OPCML: variants seen among roughly 807,000 people sequenced by gnomAD.
The protein encoded by OPCML is opioid binding protein/cell adhesion molecule like, also known as opioid-binding protein/cell adhesion molecule.
A neutral mutation model predicts 37.8 loss-of-function variants in OPCML; 13 were observed. That is an observed-to-expected ratio of 0.34 (90% CI 0.22 to 0.55). The LOEUF (loss-of-function observed/expected upper bound fraction) is 0.55, where lower values mean the gene tolerates loss of function less well. Ranked by LOEUF, OPCML falls within the 20% of genes least tolerant of loss-of-function variation. The pLI is 0.91. For synonymous variants in OPCML, 176 were observed against 168.8 expected, an observed-to-expected ratio of 1.04 and a Z score of -0.33; for missense variants, 341 against 435.6, an observed-to-expected ratio of 0.78 and a Z score of 1.93.
chr11:133,063,482 T>A (rs1403775424), intron 1 of OPCML, among the ~76,000 whole-genome samples: 2 of 152,170 alleles, frequency 1.3e-5, no homozygotes, highest in Non-Finnish European at 2.9e-5. Context: ...TTTTATAGGA[T>A]GTGAATGATG....
At chr11:132,973,558 A>G (rs1946390405) in intron 1 of OPCML, among the ~76,000 whole-genome samples, 1 of 152,186 alleles carries the variant, frequency 6.6e-6, no homozygotes, top group African/African-American at 2.4e-5. Flanking sequence ...CTTGTCATCA[A>G]ATTCCAAGCC....
chr11:132,715,047 G>A (rs772520167), intron 2 of OPCML, among the ~76,000 whole-genome samples: 2 of 152,136 alleles, frequency 1.3e-5, no homozygotes, highest in East Asian at 1.9e-4. Context: ...CTGCTCATGG[G>A]CAAGGGAGGG....
At chr11:133,210,485 C>A (rs973615626) in intron 1 of OPCML, among the ~76,000 whole-genome samples, 2 of 152,106 alleles carry the variant, frequency 1.3e-5, no homozygotes, top group Admixed American at 1.3e-4. Flanking sequence ...AAGTTCCCTT[C>A]AAGGTTTTTG....
At chr11:132,876,569 G>A (rs1272043817) in intron 2 of OPCML, among the ~76,000 whole-genome samples, 1 of 152,120 alleles carries the variant, frequency 6.6e-6, no homozygotes, top group African/African-American at 2.4e-5. Flanking sequence ...CTTCTTAATG[G>A]CTTTTATGGT....
In OPCML at chr11:132,777,449, G is replaced by A. The variant is rs1946843725; in HGVS notation, c.147-120130C>T. On this transcript the variant is annotated intron_variant, in intron 2 of 7. Transcript: ENST00000524381. ...GGTCCTTTATTGGTAAGGAACTGGG[G>A]TATAGAGCTCCAGGGAGCCCACAGT... 3.3e-5 allele frequency among the ~76,000 whole-genome samples: 5 copies of A among 152,178 alleles called. No homozygotes were observed. In the South Asian group the frequency reaches 1.0e-3, roughly 32 times the overall value.
intron 1 of OPCML, among the ~76,000 whole-genome samples, chr11:132,984,934 A>G (rs549928090): frequency 1.3e-5 from 2 of 152,140 alleles, no homozygotes; most frequent in South Asian, 4.2e-4. Flanking sequence ...CAGCCAAACC[A>G]CCAAGTATTT....
chr11:133,494,576 A>G (rs1440387944), intron 1 of OPCML, among the ~76,000 whole-genome samples: 1 of 146,026 alleles, frequency 6.8e-6, no homozygotes, highest in East Asian at 2.0e-4. Context: ...TTGTAGGGAC[A>G]TGGATGAAGC....
intron 1 of OPCML, among the ~76,000 whole-genome samples, chr11:133,353,292 A>G (rs1034912417): frequency 2.6e-5 from 4 of 152,102 alleles, no homozygotes; most frequent in Admixed American, 1.3e-4. Context: ...TCAGCCTCCC[A>G]AGTAGCTGGG....
intron 1 of OPCML, among the ~76,000 whole-genome samples, chr11:133,104,161 C>T (rs1486510292): frequency 6.6e-6 from 1 of 152,220 alleles, no homozygotes; most frequent in Admixed American, 6.5e-5. Flanking sequence ...TGGATGGATG[C>T]AACACAGTGC....
chr11:132,813,420 C>A (rs1025477495), intron 2 of OPCML, among the ~76,000 whole-genome samples: 4 of 152,142 alleles, frequency 2.6e-5, no homozygotes, highest in Non-Finnish European at 5.9e-5. Context: ...TGCAGAAGTA[C>A]CAGCACAATG....
intron 2 of OPCML, among the ~76,000 whole-genome samples, chr11:132,913,527 T>C (rs1321176943): frequency 6.6e-6 from 1 of 152,318 alleles, no homozygotes; most frequent in Non-Finnish European, 1.5e-5. Flanking sequence ...TGAATGACTA[T>C]TGTGTAAAGC....
chr11:132,577,180 T>G (rs1477179196), intron 3 of OPCML, among the ~76,000 whole-genome samples: 1 of 152,110 alleles, frequency 6.6e-6, no homozygotes, highest in East Asian at 1.9e-4. Context: ...CAAAGGGAAA[T>G]TGTCCATGAA....
intron 1 of OPCML, among the ~76,000 whole-genome samples, chr11:133,518,631 G>T (rs1210681137): frequency 6.6e-6 from 1 of 150,546 alleles, no homozygotes; most frequent in African/African-American, 2.5e-5. Flanking sequence ...GCAGTGGCAG[G>T]TGCTGGTGTG....
At chr11:133,234,955 C>G (rs1381605385) in intron 1 of OPCML, among the ~76,000 whole-genome samples, 1 of 152,134 alleles carries the variant, frequency 6.6e-6, no homozygotes, top group African/African-American at 2.4e-5. Context: ...AGGTACCACA[C>G]AAGGAAGATG....
intron 2 of OPCML, among the ~76,000 whole-genome samples, chr11:132,770,870 G>A (rs573067707): frequency 2.0e-5 from 3 of 152,228 alleles, no homozygotes; most frequent in East Asian, 1.9e-4. Context: ...GATGATGAGC[G>A]GTTCTGTGAG....
chr11:133,283,930 ACT>A (rs1207156362), intron 1 of OPCML, among the ~76,000 whole-genome samples: 4 of 151,776 alleles, frequency 2.6e-5, no homozygotes, highest in Non-Finnish European at 4.4e-5. Flanking sequence ...CTGGCCTGAC[ACT>A]CTCCTGGATC....
chr11:132,556,131 T>C (rs1003483604), intron 3 of OPCML, among the ~76,000 whole-genome samples: 19 of 151,822 alleles, frequency 1.3e-4, no homozygotes, highest in African/African-American at 4.6e-4. Flanking sequence ...TTTGTAGAGA[T>C]AGGATATTGC....
intron 1 of OPCML, among the ~76,000 whole-genome samples, chr11:133,162,558 G>A (rs1022541512): frequency 2.6e-5 from 4 of 151,270 alleles, no homozygotes; most frequent in African/African-American, 7.3e-5. Flanking sequence ...TGGGACTGCC[G>A]CTGCCGGCTT....
chr11:133,021,196 G>T (rs1333711311), intron 1 of OPCML, among the ~76,000 whole-genome samples: 1 of 152,182 alleles, frequency 6.6e-6, no homozygotes, highest in Non-Finnish European at 1.5e-5. Flanking sequence ...ATACATACAG[G>T]TAAGAGAATG....
Sources: gnomAD v4.1 joint callset for allele counts (sites outside exome capture counted in the v4.1 genomes callset) on GRCh38, gnomAD v4.1.1 for gene constraint, MANE v1.5 for transcripts, NCBI Gene and HGNC (gene_info 2026-07-23, HGNC 2026-07-21) for gene names.